SERBP1: variants seen among roughly 807,000 people sequenced by gnomAD.
The protein encoded by SERBP1 is SERPINE1 mRNA-binding protein 1.
Under a neutral mutation model 50.2 loss-of-function variants are expected in SERBP1, and 6 were observed. The ratio of observed to expected loss-of-function variants is 0.12; its 90% CI spans 0.07 to 0.24. The LOEUF is 0.24. SERBP1 is among the 10% of genes least tolerant of loss of function. The pLI, the probability that SERBP1 is intolerant of heterozygous loss-of-function variation, is 1.00. For synonymous variants in SERBP1, 168 were observed against 182.8 expected (o/e 0.92, Z 0.65); for missense variants, 346 against 524.9 (o/e 0.66, Z 3.33).
At chr1:67,420,449 T>C in intron 5 of SERBP1, 1 of 326,470 alleles carries the variant, frequency 3.1e-6, no homozygotes, top group Non-Finnish European at 5.5e-6. Context: ...TAATACAATC[T>C]AGAACTGGCT....
intron 5 of SERBP1, 121 bp from the exon 6 acceptor site, chr1:67,420,307 AG>A: frequency 3.3e-6 from 3 of 914,788 alleles, no homozygotes; most frequent in Non-Finnish European, 4.9e-6. Flanking sequence ...AGATTATTCA[AG>A]GATGAGGGTA....
At chr1:67,426,330 C>G (rs1008107272) in intron 1 of SERBP1, 45 bp from the exon 2 acceptor site, 17 of 1,533,346 alleles carry the variant, frequency 1.1e-5, no homozygotes, top group Non-Finnish European at 1.2e-5. Context: ...TTTTTGCAAT[C>G]CAAAAACTTT....
chr1:67,418,594 AC>A (rs1329655342), intron 6 of SERBP1, among the ~76,000 whole-genome samples: 1 of 151,938 alleles, frequency 6.6e-6, no homozygotes, highest in African/African-American at 2.4e-5. Flanking sequence ...CCTCATCTCT[AC>A]TAAAAACACA....
chr1:67,414,526 C>T (rs564860491), intron 7 of SERBP1, among the ~76,000 whole-genome samples: 36 of 152,264 alleles, frequency 2.4e-4, no homozygotes, highest in African/African-American at 8.7e-4. Flanking sequence ...TGGTTGTTTC[C>T]AAGCATCAGA....
intron 5 of SERBP1, chr1:67,420,569 T>A (rs1230639992): frequency 6.2e-6 from 1 of 161,184 alleles, no homozygotes; most frequent in Non-Finnish European, 1.3e-5. Flanking sequence ...TTAATTTCCA[T>A]AATTCCCACA....
intron 5 of SERBP1, among the ~76,000 whole-genome samples, chr1:67,421,696 G>A (rs913301173): frequency 2.0e-5 from 3 of 152,186 alleles, no homozygotes; most frequent in African/African-American, 4.8e-5. Flanking sequence ...GCTCACACCT[G>A]TAATCCCAGC....
In SERBP1 at chr1:67,408,767, A is replaced by G. The variant is rs1666719481; in HGVS notation, c.*4440T>C. 1 of 152,170 alleles carries G rather than the reference A, an allele frequency of 6.6e-6. No homozygotes were observed. The highest frequency in any genetic ancestry group is 2.1e-4 in the South Asian group (1 of 4,826). The allele number at this position is 152,170 out of a possible 1,614,324, so 9.4% of individuals were successfully genotyped here. A position where few individuals can be genotyped will look rare whatever the true frequency, so the allele number is the denominator to read the frequency against. Reference sequence around the variant, plus strand: ...ATCATGGTATTTTTTAACAGATTATACACCCCTTAACAGCTTTCAAAATAT... The same window carrying G: ...ATCATGGTATTTTTTAACAGATTATGCACCCCTTAACAGCTTTCAAAATAT... On this transcript the variant is annotated 3_prime_UTR_variant, in exon 8 of 8. Transcript: ENST00000361219.
At position 67,410,230 on chromosome 1, in the gene SERBP1, A is replaced by G. The variant is rs1666782371; in HGVS notation, c.*2977T>C. 6.6e-6 allele frequency: 1 copy of G among 152,166 alleles called. No individual in the cohort carries two copies. Among genetic ancestry groups the G allele is most frequent in the Non-Finnish European group, 1.5e-5 (1 of 68,004 alleles). 9.4% of individuals were successfully genotyped at this position (152,166 alleles called of 1,614,324 possible). ...CACATGATGGTACTTTCCTAAAGAC[A>G]TGTTAGGTTGGTACAAAACCAATTG... On this transcript the variant is annotated 3_prime_UTR_variant, in exon 8 of 8. Coordinates refer to ENST00000361219, the MANE Select transcript of SERBP1 (RefSeq NM_001018069.2).
rs1232184449 is a variant in SERBP1, at chr1:67,430,384, G to A, written c.-84C>T. 1.4e-5 allele frequency: 19 copies of A among 1,401,088 alleles called. No individual in the cohort carries two copies. Among genetic ancestry groups the A allele is most frequent in the Non-Finnish European group, 1.8e-5 (19 of 1,043,678 alleles). 86.8% of individuals were successfully genotyped at this position (1,401,088 alleles called of 1,614,324 possible). A position where few individuals can be genotyped will look rare whatever the true frequency, so the allele number is the denominator to read the frequency against. On this transcript the variant is annotated 5_prime_UTR_variant, in exon 1 of 8. Transcript: ENST00000361219. ...GCGCCTGCTTCAGCTCTTCCCACAAGATGGCCGGGCCGAGAGAGGGGGGCC... is the reference window on the plus strand; with the variant it reads ...GCGCCTGCTTCAGCTCTTCCCACAAAATGGCCGGGCCGAGAGAGGGGGGCC...
chr1:67,413,229 T>G lies in SERBP1; in HGVS notation c.1160A>C (p.Glu387Ala). 1 of 1,597,510 alleles carries G rather than the reference T, an allele frequency of 6.3e-7. No homozygotes were observed. Among genetic ancestry groups the G allele is most frequent in the Non-Finnish European group, 8.5e-7 (1 of 1,173,874 alleles). ...CAGTTAAGCCAGAGCTGGGAATGCC[T>G]CTGGGTCATCCACATCAGGAGCAGA... is the stretch of plus-strand genomic sequence containing the variant. ...SASAPDVDDP[E>A]AFPALA Residue 387 changes from glutamate to alanine, a missense_variant, in exon 8 of 8, where the codon GAG (glutamate) becomes GCG (alanine). Glu to Ala is a moderately radical substitution (Grantham distance 107). Around this residue, in one of 5 missense-constraint regions of SERBP1, gnomAD observed 2 missense variants for 16.2 expected, o/e 0.12. Coordinates refer to ENST00000361219, the MANE Select transcript of SERBP1 (RefSeq NM_001018069.2).
Position 67,429,997 on chromosome 1 carries a change from T to C in SERBP1, c.304A>G (p.Lys102Glu), listed in dbSNP as rs749744953. The C allele has an allele frequency of 1.2e-6, 2 of 1,608,356 alleles. No homozygotes were observed. The highest frequency in any genetic ancestry group is 1.7e-6 in the Non-Finnish European group (2 of 1,177,414). Residue 102 changes from lysine to glutamate, a missense_variant, in exon 1 of 8, where the codon AAG (lysine) becomes GAG (glutamate). By Grantham distance (56) the Lys-to-Glu change is moderately conservative (BLOSUM62 1). Around this residue, in one of 5 missense-constraint regions of SERBP1, gnomAD observed 257 missense variants for 331.2 expected, o/e 0.78. Transcript: ENST00000361219. The part of the protein sequence containing the change: ...KEETQPPVAL[K>E]KEGIRRVGRR... ...TCTGCCCCTGCTTTACCTTCTTTCTTAAGCGCCACGGGCGGCTGCGTCTCC... is the reference window on the plus strand; with the variant it reads ...TCTGCCCCTGCTTTACCTTCTTTCTCAAGCGCCACGGGCGGCTGCGTCTCC...
chr1:67,415,038 C>T, intron 7 of SERBP1, 128 bp downstream of exon 7: 2 of 992,282 alleles, frequency 2.0e-6, no homozygotes, highest in South Asian at 2.4e-5. Flanking sequence ...TATAACCTAA[C>T]ATGCGGTTTC....
intron 5 of SERBP1, among the ~76,000 whole-genome samples, chr1:67,423,438 C>T (rs1667268522): frequency 6.6e-6 from 1 of 151,944 alleles, no homozygotes; most frequent in Non-Finnish European, 1.5e-5. Context: ...GAAACCCTGT[C>T]TCTACTAAAA....
chr1:67,410,825 G>C lies in SERBP1; in HGVS notation c.*2382C>G, dbSNP rs1019829513. 1 of 152,064 alleles carries C rather than the reference G, an allele frequency of 6.6e-6. No individual in the cohort carries two copies. The highest frequency in any genetic ancestry group is 2.4e-5 in the African/African-American group (1 of 41,422). 9.4% of individuals were successfully genotyped at this position (152,064 alleles called of 1,614,324 possible). On this transcript the variant is annotated 3_prime_UTR_variant, in exon 8 of 8. Transcript: ENST00000361219. Reference sequence around the variant, plus strand: ...TCAGATTAAATCCAAGAAGTCCTTGGATTTTGTATTTTACAAGAATTCAAC... The same window carrying C: ...TCAGATTAAATCCAAGAAGTCCTTGCATTTTGTATTTTACAAGAATTCAAC...
rs1335143204 is a variant in SERBP1 at position 67,412,933 on chromosome 1, A to G, written c.*274T>C. On this transcript the variant is annotated 3_prime_UTR_variant, in exon 8 of 8. Coordinates refer to ENST00000361219, the MANE Select transcript of SERBP1 (RefSeq NM_001018069.2). Reference sequence around the variant, plus strand: ...ATGCATATTTGCAAGCAGCAATACAAAAGTATTCATGAAGAATGCATAATC... The same window carrying G: ...ATGCATATTTGCAAGCAGCAATACAGAAGTATTCATGAAGAATGCATAATC... The G allele has an allele frequency of 1.3e-5, 6 of 457,192 alleles. No individual in the cohort carries two copies. The highest frequency in any genetic ancestry group is 4.5e-5 in the East Asian group (1 of 22,262). The allele number at this position is 457,192 out of a possible 1,614,324, so 28.3% of individuals were successfully genotyped here.
At chr1:67,424,419 C>T in intron 4 of SERBP1, 142 bp from the exon 5 acceptor site, 1 of 1,087,650 alleles carries the variant, frequency 9.2e-7, no homozygotes, top group Non-Finnish European at 1.3e-6. Flanking sequence ...CATTCTCTAA[C>T]TCCTTTCTTA....
chr1:67,429,620 G>A (rs910244442), intron 1 of SERBP1: 2 of 189,238 alleles, frequency 1.1e-5, no homozygotes, highest in African/African-American at 2.3e-5. Flanking sequence ...GAAAGCTTCG[G>A]TGAGGGGCCG....
chr1:67,426,828 TAA>T (rs1667401630), intron 1 of SERBP1, among the ~76,000 whole-genome samples: 1 of 152,074 alleles, frequency 6.6e-6, no homozygotes, highest in African/African-American at 2.4e-5. Flanking sequence ...AAAATGCAAT[TAA>T]GACTCATAAT....
chr1:67,413,474 T>A (rs1208273112), intron 7 of SERBP1, among the ~76,000 whole-genome samples: 1 of 151,730 alleles, frequency 6.6e-6, no homozygotes, highest in Non-Finnish European at 1.5e-5. Context: ...CATGGTGAAA[T>A]CCTGTCTGTA....
Sources: allele counts gnomAD v4.1 joint callset (sites outside exome capture counted in the v4.1 genomes callset), GRCh38; gene constraint gnomAD v4.1.1; regional missense constraint gnomAD v4.1.1; transcripts MANE v1.5; gene names NCBI Gene and HGNC (gene_info 2026-07-23, HGNC 2026-07-21).